GPR158: variants seen among roughly 807,000 people sequenced by gnomAD.
GPR158 encodes metabotropic glycine receptor.
In GPR158, 30 loss-of-function variants were observed where a neutral mutation model predicts 78.2. That is an observed-to-expected ratio of 0.38 (90% CI 0.29 to 0.52). The LOEUF (loss-of-function observed/expected upper bound fraction) is 0.52, where lower values mean the gene tolerates loss of function less well. GPR158 is among the 20% of genes least tolerant of loss of function. The probability of loss-of-function intolerance (pLI) is 0.83; values close to 1 mark genes in which losing one functional copy is unlikely to be tolerated. For synonymous variants in GPR158, 581 were observed against 591.1 expected (o/e 0.98, Z 0.25); for missense variants, 1,463 against 1,523.5 (o/e 0.96, Z 0.66).
At chr10:25,596,272 C>T (rs534642996) in intron 9 of GPR158, among the ~76,000 whole-genome samples, 1 of 152,218 alleles carries the variant, frequency 6.6e-6, no homozygotes, top group East Asian at 1.9e-4. Context: ...ATGATATTCA[C>T]GATTTGTGGC....
intron 7 of GPR158, among the ~76,000 whole-genome samples, chr10:25,576,162 T>C (rs116820875): frequency 0.01 from 1,566 of 152,044 alleles, 29 homozygotes; most frequent in African/African-American, 0.036. Context: ...CCCAAGGGAG[T>C]GTACATTGTA....
chr10:25,188,982 T>C (rs1852730494), intron 1 of GPR158, among the ~76,000 whole-genome samples: 1 of 152,044 alleles, frequency 6.6e-6, no homozygotes, highest in Non-Finnish European at 1.5e-5. Context: ...AGGACATGAA[T>C]GGACCCTTCT....
intron 6 of GPR158, among the ~76,000 whole-genome samples, chr10:25,558,709 T>C (rs1001081730): frequency 6.6e-6 from 1 of 152,230 alleles, no homozygotes; most frequent in Non-Finnish European, 1.5e-5. Context: ...TTTATTTCCA[T>C]TCAGTTCAAA....
chr10:25,351,987 G>C (rs1358672932), intron 2 of GPR158, among the ~76,000 whole-genome samples: 1 of 151,144 alleles, frequency 6.6e-6, no homozygotes, highest in Non-Finnish European at 1.5e-5. Context: ...ACTTATCAGT[G>C]AGTACTGTTT....
intron 2 of GPR158, among the ~76,000 whole-genome samples, chr10:25,367,102 T>A (rs959331543): frequency 3.3e-5 from 5 of 151,730 alleles, no homozygotes; most frequent in Non-Finnish European, 7.4e-5. Context: ...TCTTCTTTGT[T>A]ATATGTTAGA....
intron 2 of GPR158, among the ~76,000 whole-genome samples, chr10:25,369,894 G>A (rs1321880540): frequency 6.6e-6 from 1 of 151,808 alleles, no homozygotes; most frequent in East Asian, 1.9e-4. Context: ...GTTTAGTCTT[G>A]GGAGAGTGTA....
intron 5 of GPR158, among the ~76,000 whole-genome samples, chr10:25,501,741 C>A (rs1022946258): frequency 1.3e-5 from 2 of 152,146 alleles, no homozygotes; most frequent in African/African-American, 4.8e-5. Flanking sequence ...GATGAGGGTG[C>A]TGGACAATAT....
At chr10:25,302,767 G>T (rs923469790) in intron 2 of GPR158, among the ~76,000 whole-genome samples, 9 of 152,124 alleles carry the variant, frequency 5.9e-5, no homozygotes, top group African/African-American at 1.9e-4. Context: ...CTATCTAATA[G>T]AACTTTCTGT....
intron 5 of GPR158, among the ~76,000 whole-genome samples, chr10:25,485,409 C>T (rs1835723181): frequency 6.6e-6 from 1 of 151,522 alleles, no homozygotes; most frequent in Non-Finnish European, 1.5e-5. Context: ...TAAATAAAAG[C>T]CCACCCTAAA....
rs375225161 is a variant in GPR158, at chr10:25,431,577, C to T, written c.1335+19104C>T. Among the ~76,000 whole-genome samples the T allele has an allele frequency of 1.5e-3, 203 of 132,404 alleles. 5 individuals carry two copies. Among genetic ancestry groups the T allele is most frequent in the African/African-American group, 5.5e-3 (198 of 35,898 alleles). The allele number at this position is 132,404 out of a possible 152,430, so 86.9% of individuals were successfully genotyped here. Reference sequence around the variant, plus strand: ...ATGCACACGTATGTTTATTGTGGCACTATTCACAATAGCAAAGACTTGGAA... The same window carrying T: ...ATGCACACGTATGTTTATTGTGGCATTATTCACAATAGCAAAGACTTGGAA... On this transcript the variant is annotated intron_variant, in intron 4 of 10. Coordinates refer to ENST00000376351, the MANE Select transcript of GPR158 (RefSeq NM_020752.3).
chr10:25,415,732 C>G (rs1834649233), intron 4 of GPR158, among the ~76,000 whole-genome samples: 1 of 151,970 alleles, frequency 6.6e-6, no homozygotes, highest in Non-Finnish European at 1.5e-5. Context: ...TTGAAAACTG[C>G]TAAGTAAAAC....
chr10:25,586,905 T>C (rs1220814014), intron 7 of GPR158, among the ~76,000 whole-genome samples: 1 of 152,234 alleles, frequency 6.6e-6, no homozygotes, highest in South Asian at 2.1e-4. Context: ...TACTGATCAC[T>C]GTACAGAAGG....
At chr10:25,315,648 T>C (rs930497720) in intron 2 of GPR158, among the ~76,000 whole-genome samples, 2 of 152,116 alleles carry the variant, frequency 1.3e-5, no homozygotes, top group Non-Finnish European at 2.9e-5. Context: ...TGTTTTATAA[T>C]ATGTTTTATT....
chr10:25,365,514 A>T (rs909113023), intron 2 of GPR158, among the ~76,000 whole-genome samples: 1 of 151,744 alleles, frequency 6.6e-6, no homozygotes, highest in African/African-American at 2.4e-5. Flanking sequence ...GGTGCATGCA[A>T]ACACATTCTG....
intron 5 of GPR158, among the ~76,000 whole-genome samples, chr10:25,540,238 A>G (rs935640726): frequency 1.3e-5 from 2 of 152,204 alleles, no homozygotes; most frequent in Admixed American, 6.5e-5. Context: ...CAAAACCACA[A>G]TGAGATACCA....
chr10:25,338,331 CA>C (rs1180856868), intron 2 of GPR158, among the ~76,000 whole-genome samples: 1 of 147,956 alleles, frequency 6.8e-6, no homozygotes, highest in Non-Finnish European at 1.5e-5. Flanking sequence ...CTGTTGATTC[CA>C]GTGTTTTGCC....
chr10:25,204,566 T>C (rs1425925931), intron 1 of GPR158, among the ~76,000 whole-genome samples: 2 of 152,170 alleles, frequency 1.3e-5, no homozygotes, highest in African/African-American at 4.8e-5. Context: ...TATTGATTTG[T>C]GTATGTTGAG....
At chr10:25,580,055 T>C (rs371096384) in intron 7 of GPR158, among the ~76,000 whole-genome samples, 5 of 152,348 alleles carry the variant, frequency 3.3e-5, no homozygotes, top group African/African-American at 1.2e-4. Context: ...AGGAGTCTCA[T>C]GGTTCTGGAA....
At chr10:25,487,282 T>C (rs760583420) in intron 5 of GPR158, among the ~76,000 whole-genome samples, 9 of 152,170 alleles carry the variant, frequency 5.9e-5, no homozygotes, top group Non-Finnish European at 1.0e-4. Flanking sequence ...CCCTCCTGTT[T>C]TATAGCTTAT....
Sources: gnomAD v4.1 joint callset for allele counts (sites outside exome capture counted in the v4.1 genomes callset) on GRCh38, gnomAD v4.1.1 for gene constraint, MANE v1.5 for transcripts, NCBI Gene and HGNC (gene_info 2026-07-23, HGNC 2026-07-21) for gene names.